Variants in ATP10B observed in about 807,000 individuals in gnomAD.
The protein encoded by ATP10B is phospholipid-transporting ATPase VB.
Under a neutral mutation model 141.2 loss-of-function variants are expected in ATP10B, and 122 were observed. That is an observed-to-expected ratio of 0.86 (90% CI 0.75 to 1.00). The LOEUF is 1.00. ATP10B is among the 50% of genes least tolerant of loss of function. ATP10B has a pLI of 0.00. For missense variants in ATP10B, 1,876 were observed against 1,825.3 expected (o/e 1.03, Z -0.51); for synonymous variants, 685 against 692.0 (o/e 0.99, Z 0.16).
At chr5:160,884,746 A>G in the ATP10B span, among the ~76,000 whole-genome samples, 151 of 152,350 alleles carry the variant, frequency 9.9e-4, 1 homozygote, top group African/African-American at 3.5e-3. Flanking sequence ...AAAGAAAAGT[A>G]AAAAATAAAT....
At chr5:160,633,926 T>A (rs547159439) in intron 12 of ATP10B, 1 of 333,190 alleles carries the variant, frequency 3.0e-6, no homozygotes, top group East Asian at 7.8e-5. Flanking sequence ...GAAGACATCT[T>A]CTGGATGTAT....
At chr5:160,755,195 G>T (rs1768436236) in intron 2 of ATP10B, among the ~76,000 whole-genome samples, 1 of 152,116 alleles carries the variant, frequency 6.6e-6, no homozygotes, top group Admixed American at 6.5e-5. Flanking sequence ...TCACATGGTG[G>T]CAGAAGAGAC....
chr5:160,731,003 T>G (rs1766698763), intron 2 of ATP10B, among the ~76,000 whole-genome samples: 1 of 152,172 alleles, frequency 6.6e-6, no homozygotes, highest in African/African-American at 2.4e-5. Flanking sequence ...AAGACCCCAT[T>G]AACCTTCCCA....
intron 2 of ATP10B, among the ~76,000 whole-genome samples, chr5:160,777,652 C>A (rs1284560656): frequency 6.6e-6 from 1 of 152,166 alleles, no homozygotes; most frequent in Non-Finnish European, 1.5e-5. Context: ...TATCCCCAAC[C>A]TGGCTCCAGC....
chr5:160,894,697 T>A, the ATP10B span, among the ~76,000 whole-genome samples: 1 of 152,040 alleles, frequency 6.6e-6, no homozygotes, highest in African/African-American at 2.4e-5. Flanking sequence ...CAGGAAATAC[T>A]GAGAACACCA....
intron 1 of ATP10B, among the ~76,000 whole-genome samples, chr5:160,837,032 T>A (rs1775484724): frequency 6.6e-6 from 1 of 152,162 alleles, no homozygotes; most frequent in Admixed American, 6.6e-5. Flanking sequence ...TACTTTGGCT[T>A]CTAGGCATAT....
At chr5:160,922,905 G>A in the ATP10B span, among the ~76,000 whole-genome samples, 1 of 152,180 alleles carries the variant, frequency 6.6e-6, no homozygotes, top group African/African-American at 2.4e-5. Context: ...TTTCTCTGAG[G>A]GTCCTGAAAT....
rs538947836 is a variant in ATP10B, at chr5:160,737,746, G to T, written c.-330-20712C>A. 2.4e-3 allele frequency among the ~76,000 whole-genome samples: 370 copies of T among 152,048 alleles called. 3 individuals carry two copies. Among genetic ancestry groups the T allele is most frequent in the African/African-American group, 8.6e-3 (357 of 41,498 alleles). On this transcript the variant is annotated intron_variant, in intron 2 of 25. Transcript: ENST00000327245. ...GAAGAGGCATTTTATAATATTAAAA[G>T]GATCAATCATTAGGAAGACATAACA...
At chr5:160,584,069 T>G (rs1405838826) in intron 24 of ATP10B, among the ~76,000 whole-genome samples, 1 of 151,524 alleles carries the variant, frequency 6.6e-6, no homozygotes, top group East Asian at 1.9e-4. Flanking sequence ...CAGGCACCAC[T>G]GGGGTATGGA....
At chr5:160,597,713 A>C (rs189668094) in intron 22 of ATP10B, among the ~76,000 whole-genome samples, 8,615 of 152,114 alleles carry the variant, frequency 0.057, 806 homozygotes, top group African/African-American at 0.19. Flanking sequence ...AAAATAAACA[A>C]CCCCATCAAA....
the ATP10B span, among the ~76,000 whole-genome samples, chr5:160,903,933 C>T: frequency 6.6e-6 from 1 of 152,094 alleles, no homozygotes; most frequent in South Asian, 2.1e-4. Context: ...AATAAAGAGG[C>T]AGAACATATG....
intron 6 of ATP10B, among the ~76,000 whole-genome samples, chr5:160,676,465 T>C (rs535376268): frequency 3.9e-4 from 60 of 152,228 alleles, no homozygotes; most frequent in Non-Finnish European, 5.9e-4. Context: ...CACACTTCCC[T>C]GTATATTACC....
At chr5:160,635,196 C>A (rs1028814894) in intron 11 of ATP10B, among the ~76,000 whole-genome samples, 1 of 152,116 alleles carries the variant, frequency 6.6e-6, no homozygotes, top group African/African-American at 2.4e-5. Context: ...AAACCATGAC[C>A]TTTGAACAGA....
chr5:160,864,798 A>T, the ATP10B span, among the ~76,000 whole-genome samples: 1 of 151,996 alleles, frequency 6.6e-6, no homozygotes, highest in Non-Finnish European at 1.5e-5. Context: ...AATCAAATCG[A>T]AAACTCAATC....
intron 7 of ATP10B, among the ~76,000 whole-genome samples, chr5:160,656,920 G>A (rs1761546907): frequency 6.6e-6 from 1 of 152,140 alleles, no homozygotes; most frequent in Non-Finnish European, 1.5e-5. Context: ...CCAAAAAGAC[G>A]AGTTGGATTA....
At chr5:160,910,601 A>T in the ATP10B span, among the ~76,000 whole-genome samples, 1 of 152,240 alleles carries the variant, frequency 6.6e-6, no homozygotes, top group Non-Finnish European at 1.5e-5. Flanking sequence ...CTATCCTGTA[A>T]GTTAAGCAAA....
At chr5:160,696,187 A>G (rs1764350171) in intron 3 of ATP10B, among the ~76,000 whole-genome samples, 1 of 152,068 alleles carries the variant, frequency 6.6e-6, no homozygotes, top group African/African-American at 2.4e-5. Flanking sequence ...GCTCACTGCA[A>G]CCTCTGCCTC....
At chr5:160,715,688 C>CTTTATTTATTTATTTATTTATTTA (rs68128776) in intron 3 of ATP10B, among the ~76,000 whole-genome samples, 3 of 141,664 alleles carry the variant, frequency 2.1e-5, no homozygotes, top group African/African-American at 2.6e-5. Context: ...ATTTAGCTTG[C>CTTTATTTATTTATTTATTTATTTA]TTTATTTATT....
intron 1 of ATP10B, among the ~76,000 whole-genome samples, chr5:160,824,051 T>G (rs557105597): frequency 3.9e-4 from 59 of 152,190 alleles, no homozygotes; most frequent in African/African-American, 1.3e-3. Context: ...AGACGGAGTC[T>G]GGCTCTGTCA....
Sources: gnomAD v4.1 joint callset for allele counts (sites outside exome capture counted in the v4.1 genomes callset) on GRCh38, gnomAD v4.1.1 for gene constraint, MANE v1.5 for transcripts, NCBI Gene and HGNC (gene_info 2026-07-23, HGNC 2026-07-21) for gene names.